Variants in SYNE2 observed in about 807,000 individuals in gnomAD.
SYNE2 encodes the protein spectrin repeat containing nuclear envelope protein 2.
In SYNE2, 431 loss-of-function variants were observed where a neutral mutation model predicts 856.3. That is an observed-to-expected ratio of 0.50 (90% CI 0.47 to 0.55). The LOEUF is 0.55. SYNE2 is among the 20% of genes least tolerant of loss of function. The probability of loss-of-function intolerance (pLI) is 0.00; values close to 1 mark genes in which losing one functional copy is unlikely to be tolerated. For synonymous variants in SYNE2, 2,923 were observed against 2,872.3 expected, an observed-to-expected ratio of 1.02 and a Z score of -0.56; for missense variants, 8,129 against 8,023.2, an observed-to-expected ratio of 1.01 and a Z score of -0.50.
At chr14:63,814,386 T>C (rs1295848738) in intron 1 of SYNE2, among the ~76,000 whole-genome samples, 3 of 147,350 alleles carry the variant, frequency 2.0e-5, no homozygotes, top group African/African-American at 7.4e-5. Context: ...ATATATATTA[T>C]ATATATATCC....
intron 11 of SYNE2, among the ~76,000 whole-genome samples, chr14:63,975,639 A>G (rs372629059): frequency 6.6e-6 from 1 of 152,114 alleles, no homozygotes; most frequent in Non-Finnish European, 1.5e-5. Context: ...CAACCTGTAC[A>G]TGTATTTTTA....
At position 63,806,379 on chromosome 14, in the gene SYNE2, T is replaced by G. The variant is rs184161151; in HGVS notation, c.-305+44393T>G. Among the ~76,000 whole-genome samples the G allele has an allele frequency of 7.2e-5, 11 of 152,312 alleles. No individual in the cohort carries two copies. The East Asian group carries it at 2.1e-3, about 29-fold the overall frequency. On this transcript the variant is annotated intron_variant, in intron 1 of 23. Coordinates refer to the SYNE2 transcript ENST00000674003. Reference sequence around the variant, plus strand: ...TTTTGATGTGCTGCTGGATTCAGTTTGCTAGTATTTTGTTGAGGATTTTTG... The same window carrying G: ...TTTTGATGTGCTGCTGGATTCAGTTGGCTAGTATTTTGTTGAGGATTTTTG...
At position 64,009,948 on chromosome 14, in the gene SYNE2, A is replaced by G. The variant is rs1357409379; in HGVS notation, c.4578-18A>G. Reference sequence around the variant, plus strand: ...CTATTTTTGGACATTTAGCTATTGTATATTTTTCTATTCTTAGTCTTGAAC... The same window carrying G: ...CTATTTTTGGACATTTAGCTATTGTGTATTTTTCTATTCTTAGTCTTGAAC... On this transcript the variant is annotated intron_variant, in intron 31 of 115. Coordinates refer to ENST00000555002, the MANE Select transcript of SYNE2 (RefSeq NM_182914.3). 1 of 1,609,530 alleles carries G rather than the reference A, an allele frequency of 6.2e-7. No homozygotes were observed. Among genetic ancestry groups the G allele is most frequent in the East Asian group, 2.2e-5 (1 of 44,828 alleles).
Position 64,003,183 on chromosome 14 carries a change from G to A in SYNE2, c.4250G>A (p.Gly1417Glu). 1 of 1,614,060 alleles carries A rather than the reference G, an allele frequency of 6.2e-7. No individual in the cohort carries two copies. The highest frequency in any genetic ancestry group is 1.1e-5 in the South Asian group (1 of 91,078). ...SIKLSETHGY[G>E]VQEEFTEENK... Reference sequence around the variant, plus strand: ...AAGTTATCTGAGACACATGGCTATGGGGTACAGGAGGAATTCACTGAGGAA... The same window carrying A: ...AAGTTATCTGAGACACATGGCTATGAGGTACAGGAGGAATTCACTGAGGAA... The change falls in exon 30 of 116, where the codon GGG becomes GAG. Residue 1417 changes from glycine to glutamate, a missense_variant. Gly to Glu is a moderately conservative substitution (Grantham distance 98). Transcript: ENST00000555002.
chr14:63,836,943 T>A (rs937112589), intron 1 of SYNE2, among the ~76,000 whole-genome samples: 2 of 152,352 alleles, frequency 1.3e-5, no homozygotes, highest in African/African-American at 4.8e-5. Context: ...TTCATTTTCA[T>A]TGTTAGATGA....
chr14:64,218,378 T>TA lies in SYNE2; in HGVS notation c.19543-15dup, dbSNP rs2098676828. The TA allele has an allele frequency of 2.5e-6, 4 of 1,610,442 alleles. No individual in the cohort carries two copies. The highest frequency in any genetic ancestry group is 1.3e-5 in the African/African-American group (1 of 74,826). ...TCCTTCATATCTACAGATGGTAACT[T>TA]AAAAACTGGCTCATTCTAGGGAAAG... is the stretch of plus-strand genomic sequence containing the variant. On this transcript the variant is annotated intron_variant, in intron 108 of 115. Transcript: ENST00000555002.
chr14:64,051,188 C>A (rs1824757216), intron 47 of SYNE2, among the ~76,000 whole-genome samples: 1 of 152,068 alleles, frequency 6.6e-6, no homozygotes, highest in African/African-American at 2.4e-5. Flanking sequence ...ATGGCAATAT[C>A]TCTCATTCCT....
Position 64,131,239 on chromosome 14 carries a change from C to T in SYNE2, c.14340+991C>T, listed in dbSNP as rs2098017285. 2.6e-5 allele frequency among the ~76,000 whole-genome samples: 4 copies of T among 152,192 alleles called. No homozygotes were observed. In the South Asian group the frequency reaches 8.3e-4, roughly 32 times the overall value. On this transcript the variant is annotated intron_variant, in intron 76 of 115. Coordinates refer to ENST00000555002, the MANE Select transcript of SYNE2 (RefSeq NM_182914.3). ...TTGCTAGATGCTTTTATAAACGTCTCTATGTATATGTCCTTTTCAAGGCTT... is the reference window on the plus strand; with the variant it reads ...TTGCTAGATGCTTTTATAAACGTCTTTATGTATATGTCCTTTTCAAGGCTT...
chr14:63,809,159 A>AT (rs1386462836), intron 1 of SYNE2, among the ~76,000 whole-genome samples: 1 of 151,148 alleles, frequency 6.6e-6, no homozygotes, highest in East Asian at 1.9e-4. Flanking sequence ...CCTTTATTTT[A>AT]TTTTTTTTGC....
In SYNE2 at chr14:64,225,385, G is replaced by T. The variant is rs146695165; in HGVS notation, c.20583G>T (p.Leu6861=). 4 of 1,614,090 alleles carry T rather than the reference G, an allele frequency of 2.5e-6. No individual in the cohort carries two copies. The highest frequency in any genetic ancestry group is 3.4e-6 in the Non-Finnish European group (4 of 1,179,996). ...GGGTGGTCCGGGCAGCCCTACCCCT[G>T]CAGCTGCTCCTCCTGCTGCTGCTGC... ...LSRVVRAALP[L]QLLLLLLLLL... is the part of the protein sequence containing the mutation. The change falls in exon 116 of 116, where the codon CTG becomes CTT. Residue 6861 remains leucine (L), a synonymous_variant. Transcript: ENST00000555002.
At position 63,924,832 on chromosome 14, in the gene SYNE2, G is replaced by GTTTT. The variant is rs1491139905; in HGVS notation, c.79+15606_79+15607insTTTT. Among the ~76,000 whole-genome samples, 589 of 92,788 alleles carry GTTTT rather than the reference G, an allele frequency of 6.3e-3. 150 individuals carry two copies. Among genetic ancestry groups the GTTTT allele is most frequent in the African/African-American group, 0.024 (525 of 22,142 alleles). 60.9% of individuals were successfully genotyped at this position (92,788 alleles called of 152,430 possible). Reference sequence around the variant, plus strand: ...TTTAACTTTTTTCCTTCCAGCCTTGGTGTTTTTTTTTTTTTTTTTTTTTTT... The same window carrying GTTTT: ...TTTAACTTTTTTCCTTCCAGCCTTGGTTTTTGTTTTTTTTTTTTTTTTTTTTTTT... On this transcript the variant is annotated intron_variant, in intron 2 of 115. Coordinates refer to ENST00000555002, the MANE Select transcript of SYNE2 (RefSeq NM_182914.3).
intron 1 of SYNE2, among the ~76,000 whole-genome samples, chr14:63,895,833 A>T (rs1345970836): frequency 6.6e-6 from 1 of 151,726 alleles, no homozygotes; most frequent in African/African-American, 2.4e-5. Flanking sequence ...TTCATTACAA[A>T]ATTTCATTAC....
chr14:63,827,366 T>C (rs1199760115), intron 1 of SYNE2, among the ~76,000 whole-genome samples: 2 of 151,524 alleles, frequency 1.3e-5, no homozygotes, highest in African/African-American at 4.8e-5. Flanking sequence ...GGCTCACGCC[T>C]GTAATCCCAG....
At chr14:63,833,809 A>T (rs757974546) in intron 1 of SYNE2, among the ~76,000 whole-genome samples, 5 of 151,822 alleles carry the variant, frequency 3.3e-5, no homozygotes, top group Non-Finnish European at 5.9e-5. Context: ...GTTGATTCAT[A>T]CTCCTTTCAT....
At chr14:63,764,394 C>T (rs2139687098) in intron 1 of SYNE2, among the ~76,000 whole-genome samples, 1 of 152,264 alleles carries the variant, frequency 6.6e-6, no homozygotes, top group Admixed American at 6.5e-5. Context: ...TGAGGGCCAG[C>T]TGCAATGGCT....
chr14:64,016,461 T>C lies in SYNE2; in HGVS notation c.4729-12T>C, dbSNP rs749597517. 7 of 1,533,960 alleles carry C rather than the reference T, an allele frequency of 4.6e-6. No homozygotes were observed. In the South Asian group the frequency reaches 8.3e-5, roughly 18 times the overall value. On this transcript the variant is annotated splice_polypyrimidine_tract_variant and intron_variant, in intron 32 of 115. Coordinates refer to ENST00000555002, the MANE Select transcript of SYNE2 (RefSeq NM_182914.3). ...CAAAATATCAGAAATAACTTTCATA[T>C]CTTTTTTACAGATTGAAATTGTCAA...
chr14:64,055,768 A>G (rs912007006), intron 48 of SYNE2, among the ~76,000 whole-genome samples, 176 bp from the exon 49 acceptor site: 2 of 152,182 alleles, frequency 1.3e-5, no homozygotes, highest in East Asian at 1.9e-4. Context: ...ACTCAGAGAC[A>G]TGTATACATA....
intron 47 of SYNE2, 44 bp downstream of exon 47, chr14:64,049,920 C>T: frequency 6.2e-7 from 1 of 1,608,244 alleles, no homozygotes; most frequent in Non-Finnish European, 8.5e-7. Context: ...TATTCAAGCA[C>T]AACCATCTGC....
chr14:64,135,842 G>C, intron 78 of SYNE2, among the ~76,000 whole-genome samples: 1 of 152,214 alleles, frequency 6.6e-6, no homozygotes, highest in East Asian at 1.9e-4. Context: ...GGAAAGGTTT[G>C]TGTGAGTCTG....
Sources: gnomAD v4.1 joint callset for allele counts (sites outside exome capture counted in the v4.1 genomes callset) on GRCh38, gnomAD v4.1.1 for gene constraint, MANE v1.5 for transcripts, NCBI Gene and HGNC (gene_info 2026-07-23, HGNC 2026-07-21) for gene names.